Variants in ERBB4 observed in about 807,000 individuals in gnomAD.
ERBB4 encodes the protein receptor tyrosine-protein kinase erbB-4.
ERBB4 carries 42 observed loss-of-function variants against 158.0 expected under a neutral mutation model. That is an observed-to-expected ratio of 0.27 (90% CI 0.21 to 0.34). The LOEUF is 0.34. Among genes scored for constraint, ERBB4 ranks in the 10% least tolerant of loss-of-function variants. ERBB4 has a pLI of 1.00. For missense variants in ERBB4, 1,333 were observed against 1,624.1 expected, an observed-to-expected ratio of 0.82 and a Z score of 3.08; for synonymous variants, 583 against 558.7, an observed-to-expected ratio of 1.04 and a Z score of -0.61.
rs529784409 is a variant in ERBB4, at chr2:211,747,992, T to C, written c.622+2647A>G. Among the ~76,000 whole-genome samples, 23 of 151,996 alleles carry C rather than the reference T, an allele frequency of 1.5e-4. No homozygotes were observed. The East Asian group carries it at 4.3e-3, about 28-fold the overall frequency. On this transcript the variant is annotated intron_variant, in intron 5 of 27. Transcript: ENST00000342788. ...TATATACTTTAAATCATCTCTATATTACTTATAATGCATAATACAATGTAA... is the reference window on the plus strand; with the variant it reads ...TATATACTTTAAATCATCTCTATATCACTTATAATGCATAATACAATGTAA...
rs184520700 is a variant in ERBB4, at chr2:211,992,001, G to T, written c.235-44385C>A. 5.7e-4 allele frequency among the ~76,000 whole-genome samples: 87 copies of T among 152,204 alleles called. 1 individual carries two copies. Among genetic ancestry groups the T allele is most frequent in the African/African-American group, 2.0e-3 (85 of 41,540 alleles). ...GTCTTAGCAAATTAAAAGGATAAGA[G>T]AAGTATAGCTAGACTTTCCCACATT... On this transcript the variant is annotated intron_variant, in intron 2 of 27. Transcript: ENST00000342788.
chr2:211,786,933 C>G (rs1375062292), intron 4 of ERBB4, among the ~76,000 whole-genome samples: 1 of 152,138 alleles, frequency 6.6e-6, no homozygotes, highest in African/African-American at 2.4e-5. Flanking sequence ...AAGGGAAAAT[C>G]CCATACAAAT....
intron 2 of ERBB4, among the ~76,000 whole-genome samples, chr2:212,001,206 G>T (rs2076095493): frequency 6.6e-6 from 1 of 152,006 alleles, no homozygotes; most frequent in Non-Finnish European, 1.5e-5. Context: ...AGTAGTTTCA[G>T]GCTTTTATTT....
intron 1 of ERBB4, among the ~76,000 whole-genome samples, chr2:212,357,130 G>A (rs2089491724): frequency 6.6e-6 from 1 of 151,728 alleles, no homozygotes; most frequent in Admixed American, 6.6e-5. Context: ...GATATCATAT[G>A]TCTCTCAGCT....
intron 2 of ERBB4, among the ~76,000 whole-genome samples, chr2:211,990,753 A>G (rs1243025276): frequency 2.0e-5 from 3 of 151,818 alleles, no homozygotes; most frequent in East Asian, 3.9e-4. Flanking sequence ...GCATCTCTTG[A>G]GGATGTTGGA....
At chr2:211,574,878 A>C (rs1189206457) in intron 19 of ERBB4, among the ~76,000 whole-genome samples, 2 of 152,174 alleles carry the variant, frequency 1.3e-5, no homozygotes, top group Non-Finnish European at 2.9e-5. Context: ...CTCTGAAGTC[A>C]CATATTAAAG....
At chr2:212,430,639 A>C (rs2092008375) in intron 1 of ERBB4, among the ~76,000 whole-genome samples, 1 of 152,010 alleles carries the variant, frequency 6.6e-6, no homozygotes. Flanking sequence ...ATGGGGTTTC[A>C]CCATGTTGGC....
In ERBB4 at chr2:212,234,710, A is replaced by G. The variant is rs1458513062; in HGVS notation, c.83-109807T>C. 5.9e-5 allele frequency among the ~76,000 whole-genome samples: 9 copies of G among 152,242 alleles called. No individual in the cohort carries two copies. The East Asian group carries it at 1.7e-3, about 29-fold the overall frequency. ...GAGATGGTATCTCATTGTGGTTTTG[A>G]CTTACATTTCTCTAATGACCAGTGA... On this transcript the variant is annotated intron_variant, in intron 1 of 27. Coordinates refer to ENST00000342788, the MANE Select transcript of ERBB4 (RefSeq NM_005235.3).
chr2:212,385,856 T>C (rs1267644610), intron 1 of ERBB4, among the ~76,000 whole-genome samples: 1 of 151,970 alleles, frequency 6.6e-6, no homozygotes, highest in African/African-American at 2.4e-5. Flanking sequence ...TTTAAATTAT[T>C]CCATATCCAA....
intron 1 of ERBB4, among the ~76,000 whole-genome samples, chr2:212,323,555 G>A (rs1483030240): frequency 6.7e-6 from 1 of 150,242 alleles, no homozygotes; most frequent in Non-Finnish European, 1.5e-5. Flanking sequence ...TGGCCTTCAG[G>A]AAGTGACTTC....
At chr2:212,048,675 G>C (rs977816825) in intron 2 of ERBB4, among the ~76,000 whole-genome samples, 2 of 152,124 alleles carry the variant, frequency 1.3e-5, no homozygotes, top group African/African-American at 2.4e-5. Flanking sequence ...TAAAGTTTGA[G>C]ATCCATATTC....
chr2:212,047,924 A>T (rs972066735), intron 2 of ERBB4, among the ~76,000 whole-genome samples: 1 of 152,190 alleles, frequency 6.6e-6, no homozygotes, highest in East Asian at 1.9e-4. Context: ...GCACATTGTG[A>T]TAGGTTCTAT....
intron 19 of ERBB4, among the ~76,000 whole-genome samples, chr2:211,562,320 A>G (rs1238456655): frequency 6.6e-6 from 1 of 152,228 alleles, no homozygotes; most frequent in South Asian, 2.1e-4. Context: ...CTGTTATACA[A>G]TAACTGCCTA....
At chr2:211,625,707 G>C (rs879773624) in intron 17 of ERBB4, among the ~76,000 whole-genome samples, 1 of 151,954 alleles carries the variant, frequency 6.6e-6, no homozygotes, top group African/African-American at 2.4e-5. Flanking sequence ...GGAATTGTTG[G>C]GTAGATTTTG....
At chr2:211,571,178 G>C (rs1006697702) in intron 19 of ERBB4, among the ~76,000 whole-genome samples, 6 of 151,600 alleles carry the variant, frequency 4.0e-5, no homozygotes, top group African/African-American at 1.5e-4. Flanking sequence ...GAGTAGCTGG[G>C]ACTACACCTC....
intron 16 of ERBB4, among the ~76,000 whole-genome samples, chr2:211,636,180 G>A (rs2070354405): frequency 6.6e-6 from 1 of 151,772 alleles, no homozygotes; most frequent in African/African-American, 2.4e-5. Flanking sequence ...ATTTAACAGG[G>A]ATTTTTTTTT....
intron 12 of ERBB4, among the ~76,000 whole-genome samples, chr2:211,683,625 T>C (rs2072445724): frequency 1.3e-5 from 2 of 152,280 alleles, no homozygotes; most frequent in South Asian, 4.1e-4. Context: ...GCTACTACAA[T>C]TAGGGCTACT....
intron 20 of ERBB4, among the ~76,000 whole-genome samples, chr2:211,537,106 A>T (rs2125675570): frequency 6.6e-6 from 1 of 152,138 alleles, no homozygotes; most frequent in South Asian, 2.1e-4. Context: ...TACCCTGAAA[A>T]TTAGTGTAAA....
rs535308946 is a variant in ERBB4, at chr2:211,788,268, A to G, written c.422-109T>C. The G allele has an allele frequency of 1.4e-5, 11 of 766,044 alleles. No individual in the cohort carries two copies. In the African/African-American group the frequency reaches 1.9e-4, roughly 13 times the overall value. The allele number at this position is 766,044 out of a possible 1,614,324, so 47.5% of individuals were successfully genotyped here. On this transcript the variant is annotated intron_variant, in intron 3 of 27. Transcript: ENST00000342788. ...CTATTTTCAATGTTAAATTAGAGTC[A>G]TGTTGCTAATAGCCAAGATATCTTT...
Sources: gnomAD v4.1 joint callset for allele counts (sites outside exome capture counted in the v4.1 genomes callset) on GRCh38, gnomAD v4.1.1 for gene constraint, MANE v1.5 for transcripts, NCBI Gene and HGNC (gene_info 2026-07-23, HGNC 2026-07-21) for gene names.